The following MYLK variants were observed in gnomAD, a reference collection of about 807,000 sequenced individuals.
MYLK encodes myosin light chain kinase.
In MYLK, 106 loss-of-function variants were observed where a neutral mutation model predicts 203.4. That is an observed-to-expected ratio of 0.52 (90% CI 0.45 to 0.61). The LOEUF (loss-of-function observed/expected upper bound fraction) is 0.61, where lower values mean the gene tolerates loss of function less well. MYLK is among the 20% of genes least tolerant of loss of function. The probability of loss-of-function intolerance (pLI) is 0.00; values close to 1 mark genes in which losing one functional copy is unlikely to be tolerated. For synonymous variants in MYLK, 867 were observed against 959.5 expected (o/e 0.90, Z 1.78); for missense variants, 2,072 against 2,442.3 (o/e 0.85, Z 3.20).
intron 1 of MYLK, among the ~76,000 whole-genome samples, chr3:123,880,857 A>G (rs1322804035): frequency 6.6e-6 from 1 of 152,156 alleles, no homozygotes; most frequent in Non-Finnish European, 1.5e-5. Flanking sequence ...GCTGGCTGTC[A>G]GTAAATTTCA....
At chr3:123,775,913 G>T (rs1028523821) in intron 4 of MYLK, among the ~76,000 whole-genome samples, 7 of 152,158 alleles carry the variant, frequency 4.6e-5, no homozygotes, top group Admixed American at 2.0e-4. Context: ...AGGCATCATG[G>T]TAGGCACTGA....
chr3:123,871,085 G>A (rs2032754780), intron 2 of MYLK, among the ~76,000 whole-genome samples: 1 of 152,002 alleles, frequency 6.6e-6, no homozygotes, highest in Admixed American at 6.6e-5. Flanking sequence ...CCACCCCCAA[G>A]CAGAAGCCTC....
chr3:123,773,989 A>G (rs894926320), intron 4 of MYLK, among the ~76,000 whole-genome samples: 1 of 152,322 alleles, frequency 6.6e-6, no homozygotes, highest in African/African-American at 2.4e-5. Flanking sequence ...GCCTGTCTCC[A>G]GCTGAGGCTG....
chr3:123,865,896 C>T (rs747998227), intron 2 of MYLK, among the ~76,000 whole-genome samples: 1 of 152,180 alleles, frequency 6.6e-6, no homozygotes, highest in African/African-American at 2.4e-5. Context: ...TCATGGAATG[C>T]TCCTTCTGGG....
rs1232249878 is a variant in MYLK, at chr3:123,620,723, T to A, written c.5239-387A>T. 4.9e-6 allele frequency: 4 copies of A among 811,592 alleles called. No homozygotes were observed. The East Asian group carries it at 3.1e-4, about 63-fold the overall frequency. The allele number at this position is 811,592 out of a possible 1,614,324, so 50.3% of individuals were successfully genotyped here. A position where few individuals can be genotyped will look rare whatever the true frequency, so the allele number is the denominator to read the frequency against. ...CTGGGCCTAGCGGGGCTATTTCTCGTAAAACAATGCCAGTGATGTGATTAT... is the reference window on the plus strand; with the variant it reads ...CTGGGCCTAGCGGGGCTATTTCTCGAAAAACAATGCCAGTGATGTGATTAT... On this transcript the variant is annotated intron_variant, in intron 31 of 33. Coordinates refer to ENST00000360304, the MANE Select transcript of MYLK (RefSeq NM_053025.4).
At position 123,725,936 on chromosome 3, in the gene MYLK, G is replaced by T. The variant is rs201253309; in HGVS notation, c.1651+8C>A. The stretch of plus-strand genomic sequence containing the variant: ...TGGGAGCAGAGAGCTGGGGCAGGGG[G>T]AACTCACCATTCAGCAGCCAAGTGA... On this transcript the variant is annotated splice_region_variant and intron_variant, in intron 12 of 33. Coordinates refer to ENST00000360304, the MANE Select transcript of MYLK (RefSeq NM_053025.4). 38 of 1,613,266 alleles carry T rather than the reference G, an allele frequency of 2.4e-5. No individual in the cohort carries two copies. The highest frequency in any genetic ancestry group is 3.0e-5 in the Non-Finnish European group (35 of 1,179,510).
intron 28 of MYLK, chr3:123,639,063 C>T: frequency 1.0e-6 from 1 of 985,396 alleles, no homozygotes; most frequent in Non-Finnish European, 1.2e-6. Context: ...CACGGTTGTT[C>T]CCACAGTATC....
At chr3:123,852,107 G>C (rs2030876415) in intron 2 of MYLK, among the ~76,000 whole-genome samples, 1 of 152,160 alleles carries the variant, frequency 6.6e-6, no homozygotes, top group African/African-American at 2.4e-5. Flanking sequence ...ACTTGATCAT[G>C]GTGGATAAGC....
intron 20 of MYLK, among the ~76,000 whole-genome samples, chr3:123,673,876 C>A (rs565508759): frequency 1.3e-5 from 2 of 152,202 alleles, no homozygotes; most frequent in Non-Finnish European, 2.9e-5. Context: ...GGGCAGAGCA[C>A]GCCCTACTCA....
intron 3 of MYLK, among the ~76,000 whole-genome samples, chr3:123,813,175 T>C (rs1199107146): frequency 6.6e-6 from 1 of 152,234 alleles, no homozygotes; most frequent in South Asian, 2.1e-4. Flanking sequence ...GGCTTTTTCA[T>C]GAAAAGTCAA....
rs1387225051 is a variant in MYLK, at chr3:123,843,172, C to T, written c.-126-11502G>A. 3.3e-5 allele frequency among the ~76,000 whole-genome samples: 5 copies of T among 152,310 alleles called. No individual in the cohort carries two copies. In the East Asian group the frequency reaches 9.6e-4, roughly 29 times the overall value. ...TCAGCAGTCCATGGGTCAAAGCAAA[C>T]TGAAGTCTAAACCATGTTGTCAAAG... On this transcript the variant is annotated intron_variant, in intron 2 of 33. Coordinates refer to ENST00000360304, the MANE Select transcript of MYLK (RefSeq NM_053025.4).
chr3:123,705,688 C>T (rs2061434190), intron 16 of MYLK, among the ~76,000 whole-genome samples: 1 of 152,190 alleles, frequency 6.6e-6, no homozygotes, highest in African/African-American at 2.4e-5. Context: ...CACGCCTCCT[C>T]TCTGGCCTGG....
At chr3:123,774,820 A>G (rs1396337657) in intron 4 of MYLK, among the ~76,000 whole-genome samples, 5 of 152,110 alleles carry the variant, frequency 3.3e-5, no homozygotes, top group Non-Finnish European at 7.4e-5. Context: ...TTTGTTGCAC[A>G]TTTTATTGTA....
intron 29 of MYLK, chr3:123,630,664 G>A (rs531733782): frequency 1.3e-5 from 2 of 152,308 alleles, no homozygotes; most frequent in South Asian, 4.1e-4. Context: ...CTGGCACCAG[G>A]CCTGGTCCAC....
At chr3:123,876,215 C>A (rs1419135910) in intron 2 of MYLK, among the ~76,000 whole-genome samples, 3 of 151,490 alleles carry the variant, frequency 2.0e-5, no homozygotes, top group Admixed American at 6.6e-5. Context: ...TACATTATGA[C>A]TAAGTGTTTA....
intron 18 of MYLK, among the ~76,000 whole-genome samples, chr3:123,696,952 G>GC (rs375227310): frequency 2.0e-5 from 3 of 152,300 alleles, no homozygotes; most frequent in African/African-American, 7.2e-5. Flanking sequence ...CTGCTGCGGG[G>GC]CCCCCGCCTG....
intron 2 of MYLK, among the ~76,000 whole-genome samples, chr3:123,843,122 T>C (rs1319238539): frequency 1.3e-5 from 2 of 152,178 alleles, no homozygotes; most frequent in African/African-American, 4.8e-5. Flanking sequence ...ACAACTCCCG[T>C]ATCAGTAATT....
In MYLK at chr3:123,852,652, C is replaced by G. The variant is rs1167642653; in HGVS notation, c.-126-20982G>C. ...TTTATTAGTCTCGCTAGCGGTCTAT[C>G]AATTTTGCTGATCTTTTCAAAAAAC... On this transcript the variant is annotated intron_variant, in intron 2 of 33. Transcript: ENST00000360304. Among the ~76,000 whole-genome samples, 3 of 152,012 alleles carry G rather than the reference C, an allele frequency of 2.0e-5. No individual in the cohort carries two copies. The East Asian group carries it at 5.8e-4, about 29-fold the overall frequency.
chr3:123,873,197 T>C (rs1389188408), intron 2 of MYLK, among the ~76,000 whole-genome samples: 1 of 152,168 alleles, frequency 6.6e-6, no homozygotes, highest in Non-Finnish European at 1.5e-5. Flanking sequence ...AGAAAAAATA[T>C]GATCATCTCA....
Sources: allele counts gnomAD v4.1 joint callset (sites outside exome capture counted in the v4.1 genomes callset), GRCh38; gene constraint gnomAD v4.1.1; transcripts MANE v1.5; gene names NCBI Gene and HGNC (gene_info 2026-07-23, HGNC 2026-07-21).